The following HECW1 variants were observed in gnomAD, a reference collection of about 807,000 sequenced individuals.
HECW1 encodes E3 ubiquitin-protein ligase HECW1.
HECW1 carries 61 observed loss-of-function variants against 182.3 expected under a neutral mutation model. The observed-to-expected ratio is 0.33, with a 90% CI of 0.27 to 0.41. The LOEUF is 0.41. HECW1 is among the 10% of genes least tolerant of loss of function. The probability of loss-of-function intolerance (pLI) is 1.00; values close to 1 mark genes in which losing one functional copy is unlikely to be tolerated. For missense variants in HECW1, 1,739 were observed against 2,108.9 expected (o/e 0.82, Z 3.44); for synonymous variants, 859 against 832.6 (o/e 1.03, Z -0.55).
intron 3 of HECW1, among the ~76,000 whole-genome samples, chr7:43,271,930 A>T (rs554290752): frequency 6.6e-6 from 1 of 152,106 alleles, no homozygotes; most frequent in Admixed American, 6.6e-5. Context: ...GAGGCATCAC[A>T]TTACCTGACT....
At chr7:43,158,808 A>G (rs1232093215) in intron 2 of HECW1, among the ~76,000 whole-genome samples, 1 of 152,206 alleles carries the variant, frequency 6.6e-6, no homozygotes, top group Non-Finnish European at 1.5e-5. Flanking sequence ...TTTTGTGAAT[A>G]GTTCAAAATA....
chr7:43,507,181 G>A lies in HECW1; in HGVS notation c.3676G>A (p.Asp1226Asn). The stretch of plus-strand genomic sequence containing the variant: ...AAGAGCCCCTTCCCCCTACCGAAGA[G>A]ACTTTGAGGCCAAGCTCCGCAATTT... ...SARAPSPYRRDFEAKLRNFYR... is the reference protein window; with the variant it reads ...SARAPSPYRRNFEAKLRNFYR... The change falls in exon 22 of 30, where the codon GAC becomes AAC. Residue 1226 changes from aspartate (D) to asparagine (N), a missense_variant. Physicochemically the swap from Asp to Asn is conservative, Grantham distance 23. Transcript: ENST00000395891. The A allele has an allele frequency of 1.2e-6, 2 of 1,614,120 alleles. No individual in the cohort carries two copies. Among genetic ancestry groups the A allele is most frequent in the Non-Finnish European group, 1.7e-6 (2 of 1,179,964 alleles).
rs567944422 is a variant in HECW1, at chr7:43,315,143, C to G, written c.352+3056C>G. On this transcript the variant is annotated intron_variant, in intron 4 of 29. Transcript: ENST00000395891. Reference sequence around the variant, plus strand: ...TTCTGACATAAGAGGGGGAAGATACCTGGATGTAGAGGGTGAAGTGTGGCT... The same window carrying G: ...TTCTGACATAAGAGGGGGAAGATACGTGGATGTAGAGGGTGAAGTGTGGCT... Among the ~76,000 whole-genome samples the G allele has an allele frequency of 6.6e-5, 10 of 152,316 alleles. 1 individual carries two copies. Among genetic ancestry groups the G allele is most frequent in the Middle Eastern group, 3.4e-3 (1 of 294 alleles).
chr7:43,424,720 G>A (rs998310214), intron 8 of HECW1, among the ~76,000 whole-genome samples: 2 of 152,148 alleles, frequency 1.3e-5, no homozygotes, highest in Non-Finnish European at 2.9e-5. Context: ...TTGTGATATT[G>A]TAAATTACTT....
chr7:43,457,557 G>A (rs181919000), intron 13 of HECW1, among the ~76,000 whole-genome samples: 45 of 152,264 alleles, frequency 3.0e-4, no homozygotes, highest in African/African-American at 1.1e-3. Context: ...TGGATCATTT[G>A]AAGTCAGGAG....
intron 6 of HECW1, among the ~76,000 whole-genome samples, chr7:43,394,325 C>T (rs1000437961): frequency 4.6e-5 from 7 of 152,114 alleles, no homozygotes; most frequent in Admixed American, 3.9e-4. Flanking sequence ...GAATAACAGA[C>T]ATAAAGGAGG....
At chr7:43,184,911 T>G (rs1562645474) in intron 2 of HECW1, among the ~76,000 whole-genome samples, 1 of 151,232 alleles carries the variant, frequency 6.6e-6, no homozygotes, top group Non-Finnish European at 1.5e-5. Flanking sequence ...TGAGGGGAGG[T>G]GCCACACACC....
At chr7:43,473,753 A>T (rs905179166) in intron 16 of HECW1, among the ~76,000 whole-genome samples, 10 of 152,192 alleles carry the variant, frequency 6.6e-5, no homozygotes, top group African/African-American at 9.6e-5. Context: ...TAATCTGACA[A>T]GCTTAAAAGG....
chr7:43,506,513 T>A (rs113312677), intron 21 of HECW1, among the ~76,000 whole-genome samples: 33 of 152,324 alleles, frequency 2.2e-4, no homozygotes, highest in African/African-American at 7.7e-4. Flanking sequence ...ATTATTTCTA[T>A]TTATTATAAA....
rs189311678 is a variant in HECW1 at position 43,296,086 on chromosome 7, T to C, written c.28-15677T>C. ...TAAATATTCATGTGTTAAAATGTTA[T>C]GGTTATTGAAATAATTTTGTGATAT... On this transcript the variant is annotated intron_variant, in intron 3 of 29. Coordinates refer to ENST00000395891, the MANE Select transcript of HECW1 (RefSeq NM_015052.5). Among the ~76,000 whole-genome samples the C allele has an allele frequency of 2.6e-5, 4 of 152,352 alleles. 1 individual carries two copies. Among genetic ancestry groups the C allele is most frequent in the African/African-American group, 9.6e-5 (4 of 41,600 alleles).
chr7:43,181,845 T>C (rs1333591650), intron 2 of HECW1, among the ~76,000 whole-genome samples: 1 of 150,706 alleles, frequency 6.6e-6, no homozygotes, highest in Non-Finnish European at 1.5e-5. Context: ...TGGAGTGCAG[T>C]GGTGCGATCT....
chr7:43,163,882 G>A (rs1243237756), intron 2 of HECW1, among the ~76,000 whole-genome samples: 1 of 152,158 alleles, frequency 6.6e-6, no homozygotes, highest in East Asian at 1.9e-4. Context: ...GAGTACAACT[G>A]TAAAGAAGGA....
At chr7:43,529,840 A>G (rs959550141) in intron 24 of HECW1, among the ~76,000 whole-genome samples, 15 of 151,858 alleles carry the variant, frequency 9.9e-5, no homozygotes, top group Non-Finnish European at 1.9e-4. Context: ...TTCCTCACCT[A>G]CTGAAGTCTG....
chr7:43,113,457 C>T (rs1015434095), intron 1 of HECW1, among the ~76,000 whole-genome samples: 62 of 152,156 alleles, frequency 4.1e-4, no homozygotes, highest in East Asian at 3.9e-4. Context: ...CGCCGGTGCT[C>T]GCTCGAGGGG....
intron 2 of HECW1, among the ~76,000 whole-genome samples, chr7:43,221,809 T>C (rs1235929507): frequency 6.6e-6 from 1 of 152,076 alleles, no homozygotes; most frequent in East Asian, 1.9e-4. Context: ...CCTCCCAAAG[T>C]GCTGGGATTA....
chr7:43,358,036 T>A (rs1815385172), intron 5 of HECW1, among the ~76,000 whole-genome samples: 1 of 152,188 alleles, frequency 6.6e-6, no homozygotes, highest in African/African-American at 2.4e-5. Flanking sequence ...CCCTGACCTT[T>A]TTGCTCAAAG....
At chr7:43,398,961 G>A (rs1213637398) in intron 7 of HECW1, among the ~76,000 whole-genome samples, 2 of 152,324 alleles carry the variant, frequency 1.3e-5, no homozygotes, top group Admixed American at 1.3e-4. Context: ...AGCCACCTGG[G>A]TGGTGCCAGC....
chr7:43,514,706 T>C (rs1288588619), intron 24 of HECW1, among the ~76,000 whole-genome samples: 1 of 152,254 alleles, frequency 6.6e-6, no homozygotes, highest in Non-Finnish European at 1.5e-5. Flanking sequence ...ATTTTCTATC[T>C]TTAGGGATAC....
At chr7:43,127,964 G>A (rs758535264) in intron 2 of HECW1, among the ~76,000 whole-genome samples, 6 of 151,660 alleles carry the variant, frequency 4.0e-5, no homozygotes, top group African/African-American at 7.3e-5. Flanking sequence ...CTGCAACCTC[G>A]GCTTCCTGGG....
Sources: gnomAD v4.1 joint callset for allele counts (sites outside exome capture counted in the v4.1 genomes callset) on GRCh38, gnomAD v4.1.1 for gene constraint, MANE v1.5 for transcripts, NCBI Gene and HGNC (gene_info 2026-07-23, HGNC 2026-07-21) for gene names.